ZNF618: variants seen among roughly 807,000 people sequenced by gnomAD.
ZNF618 encodes the protein neural precursor cell expressed, developmentally down-regulated 10.
In ZNF618, 34 loss-of-function variants were observed where a neutral mutation model predicts 103.0. The ratio of observed to expected loss-of-function variants is 0.33; its 90% CI spans 0.25 to 0.44. ZNF618 has a LOEUF of 0.44. Among genes scored for constraint, ZNF618 ranks in the 20% least tolerant of loss-of-function variants. The pLI is 1.00. For missense variants in ZNF618, 1,059 were observed against 1,295.4 expected, an observed-to-expected ratio of 0.82 and a Z score of 2.80; for synonymous variants, 551 against 542.2, an observed-to-expected ratio of 1.02 and a Z score of -0.23.
At chr9:114,004,029 C>T (rs1438791492) in intron 6 of ZNF618, among the ~76,000 whole-genome samples, 1 of 152,086 alleles carries the variant, frequency 6.6e-6, no homozygotes, top group Non-Finnish European at 1.5e-5. Flanking sequence ...TTTGTTACAC[C>T]ACACCATCAC....
chr9:114,013,553 C>T (rs1842425611), intron 9 of ZNF618, among the ~76,000 whole-genome samples: 1 of 152,208 alleles, frequency 6.6e-6, no homozygotes, highest in East Asian at 1.9e-4. Flanking sequence ...GCCTCAGCCT[C>T]CCAAGTAGCT....
intron 1 of ZNF618, among the ~76,000 whole-genome samples, chr9:113,966,341 A>C (rs1340764211): frequency 1.3e-5 from 2 of 152,168 alleles, no homozygotes; most frequent in Admixed American, 1.3e-4. Flanking sequence ...TTGAACTCCG[A>C]TGTTCTAACT....
At chr9:113,964,922 A>G (rs1837231624) in intron 1 of ZNF618, among the ~76,000 whole-genome samples, 1 of 151,980 alleles carries the variant, frequency 6.6e-6, no homozygotes, top group Admixed American at 6.5e-5. Context: ...AAATTGAGCA[A>G]TAAATCACAG....
chr9:113,896,347 G>A (rs372841881), intron 1 of ZNF618, among the ~76,000 whole-genome samples: 6 of 152,132 alleles, frequency 3.9e-5, no homozygotes, highest in East Asian at 1.9e-4. Context: ...AGATGTGTAA[G>A]TGTAGCCTAA....
Position 114,032,632 on chromosome 9 carries a change from G to A in ZNF618, c.1085-13G>A, listed in dbSNP as rs1211334470. The stretch of plus-strand genomic sequence containing the variant: ...CACCATTGTTTTCTTTCTCTCTCCT[G>A]TCCCCCACCCAGCAGAAAGCGCTTT... On this transcript the variant is annotated splice_polypyrimidine_tract_variant and intron_variant, in intron 11 of 14. Transcript: ENST00000374126. 7 of 1,613,576 alleles carry A rather than the reference G, an allele frequency of 4.3e-6. No individual in the cohort carries two copies. The highest frequency in any genetic ancestry group is 5.9e-6 in the Non-Finnish European group (7 of 1,179,544).
chr9:113,938,965 C>T (rs1364357856), intron 1 of ZNF618, among the ~76,000 whole-genome samples: 1 of 151,196 alleles, frequency 6.6e-6, no homozygotes, highest in Admixed American at 6.6e-5. Flanking sequence ...TGCCAAATTC[C>T]CTTTTGTTTT....
At chr9:114,036,237 G>C in intron 12 of ZNF618, 63 bp from the exon 13 acceptor site, 1 of 1,499,820 alleles carries the variant, frequency 6.7e-7, no homozygotes, top group Non-Finnish European at 9.1e-7. Flanking sequence ...GCTGCCTGCA[G>C]CCCAGCAGAA....
intron 10 of ZNF618, among the ~76,000 whole-genome samples, chr9:114,022,784 G>T (rs1244837139): frequency 6.6e-6 from 1 of 151,656 alleles, no homozygotes; most frequent in Non-Finnish European, 1.5e-5. Context: ...CCCCTTTTAG[G>T]TTTGTCAGTC....
chr9:113,972,953 C>G (rs1838122692), intron 2 of ZNF618, among the ~76,000 whole-genome samples: 1 of 152,118 alleles, frequency 6.6e-6, no homozygotes, highest in Non-Finnish European at 1.5e-5. Flanking sequence ...CCTGTAATCC[C>G]AGCTACTCAG....
In ZNF618 at chr9:113,884,774, C is replaced by CACACACAGAG. The variant is rs1205428615; in HGVS notation, c.33+8362_33+8363insCACACAGAGA. 1.5e-4 allele frequency among the ~76,000 whole-genome samples: 22 copies of CACACACAGAG among 142,288 alleles called. No homozygotes were observed. In the East Asian group the frequency reaches 4.0e-3, roughly 26 times the overall value. 93.3% of individuals were successfully genotyped at this position (142,288 alleles called of 152,430 possible). ...CCTTCCTTATCGAGACACAAACACA[C>CACACACAGAG]AGAGAGAGAGAGAGAGAGAGAGAGA... On this transcript the variant is annotated intron_variant, in intron 1 of 14. Coordinates refer to ENST00000374126, the MANE Select transcript of ZNF618 (RefSeq NM_001318042.2).
chr9:114,001,240 A>G (rs1588295048), intron 4 of ZNF618, among the ~76,000 whole-genome samples: 1 of 150,876 alleles, frequency 6.6e-6, no homozygotes, highest in African/African-American at 2.4e-5. Flanking sequence ...TGGCCATTTC[A>G]GTCTCCCTGC....
chr9:114,041,152 T>A (rs1280023310), intron 13 of ZNF618, among the ~76,000 whole-genome samples: 9 of 152,236 alleles, frequency 5.9e-5, no homozygotes, highest in Admixed American at 3.9e-4. Context: ...TCTGTTCATA[T>A]CCTTCGCCCC....
chr9:113,969,748 C>G (rs1837771230), intron 2 of ZNF618, among the ~76,000 whole-genome samples: 1 of 152,186 alleles, frequency 6.6e-6, no homozygotes, highest in Non-Finnish European at 1.5e-5. Context: ...ACAGGTGTCA[C>G]AGGTAGGTAC....
chr9:113,913,914 T>A (rs1019616838), intron 1 of ZNF618, among the ~76,000 whole-genome samples: 3 of 151,842 alleles, frequency 2.0e-5, no homozygotes, highest in Non-Finnish European at 4.4e-5. Flanking sequence ...AAGGTGGAGG[T>A]GAATTGAGGG....
At chr9:113,983,133 C>G (rs1212433859) in intron 2 of ZNF618, among the ~76,000 whole-genome samples, 1 of 152,020 alleles carries the variant, frequency 6.6e-6, no homozygotes, top group South Asian at 2.1e-4. Flanking sequence ...TGCTTTTTCA[C>G]TAATATACCT....
chr9:114,002,157 AC>A, intron 5 of ZNF618, 84 bp downstream of exon 5: 3 of 1,247,328 alleles, frequency 2.4e-6, no homozygotes, highest in Non-Finnish European at 3.5e-6. Context: ...CTCGTGGGTG[AC>A]CCCAGAGGCC....
intron 2 of ZNF618, among the ~76,000 whole-genome samples, chr9:113,972,574 C>A (rs116537527): frequency 6.6e-6 from 1 of 152,016 alleles, no homozygotes; most frequent in Non-Finnish European, 1.5e-5. Flanking sequence ...TCAGTTAACA[C>A]GTGTTACAGG....
chr9:113,902,066 A>G (rs1029073840), intron 1 of ZNF618, among the ~76,000 whole-genome samples: 1 of 151,736 alleles, frequency 6.6e-6, no homozygotes, highest in Non-Finnish European at 1.5e-5. Flanking sequence ...CAGTGCTTCC[A>G]TTTTCTCAGC....
chr9:114,025,169 A>G (rs1366866596), intron 10 of ZNF618, among the ~76,000 whole-genome samples: 1 of 152,212 alleles, frequency 6.6e-6, no homozygotes, highest in Non-Finnish European at 1.5e-5. Context: ...TAAGATGAAG[A>G]TTCACGAGGA....
Sources: allele counts gnomAD v4.1 joint callset (sites outside exome capture counted in the v4.1 genomes callset), GRCh38; gene constraint gnomAD v4.1.1; transcripts MANE v1.5; gene names NCBI Gene and HGNC (gene_info 2026-07-23, HGNC 2026-07-21).